Variants in SLCO1C1 observed in about 807,000 individuals in gnomAD.
SLCO1C1 encodes the protein OAT-RP-5.
A neutral mutation model predicts 76.4 loss-of-function variants in SLCO1C1; 70 were observed. That is an observed-to-expected ratio of 0.92 (90% CI 0.76 to 1.12). The LOEUF (loss-of-function observed/expected upper bound fraction) is 1.12, where lower values mean the gene tolerates loss of function less well. Ranked by LOEUF, SLCO1C1 falls within the 50% of genes most tolerant of loss-of-function variation. The probability of loss-of-function intolerance (pLI) is 0.00; values close to 1 mark genes in which losing one functional copy is unlikely to be tolerated. For synonymous variants in SLCO1C1, 306 were observed against 286.1 expected (o/e 1.07, Z -0.70); for missense variants, 912 against 823.8 (o/e 1.11, Z -1.31).
chr12:20,744,386 CAA>C (rs1948948719), intron 13 of SLCO1C1, among the ~76,000 whole-genome samples: 1 of 151,842 alleles, frequency 6.6e-6, no homozygotes, highest in Non-Finnish European at 1.5e-5. Context: ...GTATCATAAG[CAA>C]AGTCAAATGG....
intron 13 of SLCO1C1, among the ~76,000 whole-genome samples, chr12:20,745,689 C>T (rs1949013652): frequency 6.6e-6 from 1 of 151,650 alleles, no homozygotes; most frequent in Non-Finnish European, 1.5e-5. Context: ...GCCGGGTGTG[C>T]TGGTGTGTGC....
In SLCO1C1 at chr12:20,737,148, A is replaced by G. The variant is rs1378235476; in HGVS notation, c.1424A>G (p.Asp475Gly). ...TATCATGAACGAGCTCTCTTTTCAGATTGCAACTCAAGATGCAAATGTTCA... is the reference window on the plus strand; with the variant it reads ...TATCATGAACGAGCTCTCTTTTCAGGTTGCAACTCAAGATGCAAATGTTCA... ...VSYHERALFS[D>G]CNSRCKCSET... The change falls in exon 11 of 15, where the codon GAT becomes GGT. Residue 475 changes from aspartate to glycine, a missense_variant. Asp to Gly is a moderately conservative substitution (Grantham distance 94). Coordinates refer to ENST00000266509, the MANE Select transcript of SLCO1C1 (RefSeq NM_017435.5). 1 of 1,554,650 alleles carries G rather than the reference A, an allele frequency of 6.4e-7. No homozygotes were observed. Among genetic ancestry groups the G allele is most frequent in the Non-Finnish European group, 8.6e-7 (1 of 1,158,086 alleles).
chr12:20,699,922 C>CCA, intron 2 of SLCO1C1: 1 of 390,630 alleles, frequency 2.6e-6, no homozygotes, highest in East Asian at 4.1e-5. Flanking sequence ...AAATGCCCCC[C>CCA]CAAACAGAAA....
chr12:20,699,815 AGATCTTAGATGCAATTTACT>A, intron 2 of SLCO1C1, 110 bp downstream of exon 2: 1 of 1,193,244 alleles, frequency 8.4e-7, no homozygotes, highest in Non-Finnish European at 1.1e-6. Flanking sequence ...AAAAAAAAAA[AGATCTTAGATGCAATTTACT>A]AAAACCACAC....
rs143690853 is a variant in SLCO1C1 at position 20,718,251 on chromosome 12, T to C, written c.775+1021T>C. ...ATGCAGCAATAACCTAGTATAAGCATTTTACCCAGTATAATGCAGTGGCAG... is the reference window on the plus strand; with the variant it reads ...ATGCAGCAATAACCTAGTATAAGCACTTTACCCAGTATAATGCAGTGGCAG... On this transcript the variant is annotated intron_variant, in intron 7 of 14. Coordinates refer to ENST00000266509, the MANE Select transcript of SLCO1C1 (RefSeq NM_017435.5). Among the ~76,000 whole-genome samples the C allele has an allele frequency of 4.0e-3, 607 of 152,216 alleles. 4 individuals carry two copies. The highest frequency in any genetic ancestry group is 0.014 in the African/African-American group (565 of 41,548).
rs771830277 is a variant in SLCO1C1, at chr12:20,711,413, C to T, written c.432C>T (p.Ser144=). 3.7e-6 allele frequency: 6 copies of T among 1,613,440 alleles called. No homozygotes were observed. The highest frequency in any genetic ancestry group is 5.1e-6 in the Non-Finnish European group (6 of 1,179,658). Residue 144 remains serine (S), a synonymous_variant, in exon 5 of 15, where the codon TCC becomes TCT. Transcript: ENST00000266509. ...ACAAATATGAGAGATATTCTCCTTCCTCCAATTCCACTCTCAGCATCTCTC... is the reference window on the plus strand; with the variant it reads ...ACAAATATGAGAGATATTCTCCTTCTTCCAATTCCACTCTCAGCATCTCTC... ...EQYKYERYSP[S]SNSTLSISPC...
chr12:20,699,508 G>A, intron 1 of SLCO1C1, 44 bp from the exon 2 acceptor site: 2 of 1,373,406 alleles, frequency 1.5e-6, no homozygotes, highest in Non-Finnish European at 1.9e-6. Context: ...TTAATAAATT[G>A]CGTAGTATTT....
At chr12:20,699,503 A>C in intron 1 of SLCO1C1, 49 bp from the exon 2 acceptor site, 1 of 1,404,934 alleles carries the variant, frequency 7.1e-7, no homozygotes, top group Non-Finnish European at 9.4e-7. Flanking sequence ...AAAATTTAAT[A>C]AATTGCGTAG....
At chr12:20,749,772 G>T (rs1949210918) in intron 13 of SLCO1C1, among the ~76,000 whole-genome samples, 1 of 152,174 alleles carries the variant, frequency 6.6e-6, no homozygotes, top group African/African-American at 2.4e-5. Context: ...AGCAGAGAAG[G>T]CAATTCAACA....
chr12:20,747,195 C>T (rs1032472844), intron 13 of SLCO1C1, among the ~76,000 whole-genome samples: 11 of 152,074 alleles, frequency 7.2e-5, no homozygotes, highest in Admixed American at 1.3e-4. Flanking sequence ...GAGGCTGAGG[C>T]GGGTGGATAT....
chr12:20,717,648 CTTTTTTTTTTTTTTTTTTTTTTT>C lies in SLCO1C1; in HGVS notation c.775+440_775+462del, dbSNP rs534946900. Among the ~76,000 whole-genome samples the C allele has an allele frequency of 7.2e-3, 303 of 42,346 alleles. 2 individuals are homozygous for C. The highest frequency in any genetic ancestry group is 0.021 in the South Asian group (17 of 810). The allele number at this position is 42,346 out of a possible 152,430, so 27.8% of individuals were successfully genotyped here. On this transcript the variant is annotated intron_variant, in intron 7 of 14. Transcript: ENST00000266509. ...GTCTACTGGCAACCAAACAGCCCTTCTTTTTTTTTTTTTTTTTTTTTTTTTTTTTTTTTTTTTTTTTTTTACTC... is the reference window on the plus strand; with the variant it reads ...GTCTACTGGCAACCAAACAGCCCTTCTTTTTTTTTTTTTTTTTTTTTACTC...
In SLCO1C1 at chr12:20,737,254, C is replaced by A. The variant is rs1269241735; in HGVS notation, c.1530C>A (p.Asn510Lys). Residue 510 changes from asparagine to lysine, a missense_variant, in exon 11 of 15, where the codon AAC becomes AAA. Transcript: ENST00000266509. ...SACLAGCQTS[N>K]RSGKNIIFYN... ...GTCTTGCTGGTTGTCAAACCTCCAACAGGAGTGGAAAAAATATTGTAAGAA... is the reference window on the plus strand; with the variant it reads ...GTCTTGCTGGTTGTCAAACCTCCAAAAGGAGTGGAAAAAATATTGTAAGAA... The A allele has an allele frequency of 6.4e-7, 1 of 1,561,326 alleles. No individual in the cohort carries two copies. Among genetic ancestry groups the A allele is most frequent in the Non-Finnish European group, 8.6e-7 (1 of 1,161,650 alleles).
intron 13 of SLCO1C1, among the ~76,000 whole-genome samples, chr12:20,748,908 G>A (rs10841604): frequency 0.46 from 69,578 of 151,894 alleles, 17,808 homozygotes; most frequent in South Asian, 0.63. Flanking sequence ...CCTTGGTGAA[G>A]GTGGTGTCTA....
At chr12:20,733,507 G>A (rs538936456) in intron 10 of SLCO1C1, among the ~76,000 whole-genome samples, 3 of 152,260 alleles carry the variant, frequency 2.0e-5, no homozygotes, top group Admixed American at 2.0e-4. Context: ...CTTTTGTAAG[G>A]TTTAAGCAAG....
Position 20,706,900 on chromosome 12 carries a change from G to A in SLCO1C1, c.404+819G>A, listed in dbSNP as rs181690990. ...TGACTACCAAAAGGTTTTGGAGTAAGAGAATATTTTAGAAGATTATATTTC... is the reference window on the plus strand; with the variant it reads ...TGACTACCAAAAGGTTTTGGAGTAAAAGAATATTTTAGAAGATTATATTTC... On this transcript the variant is annotated intron_variant, in intron 4 of 14. Coordinates refer to ENST00000266509, the MANE Select transcript of SLCO1C1 (RefSeq NM_017435.5). Among the ~76,000 whole-genome samples, 4 of 152,276 alleles carry A rather than the reference G, an allele frequency of 2.6e-5. No homozygotes were observed. The East Asian group carries it at 5.8e-4, about 22-fold the overall frequency.
Position 20,701,249 on chromosome 12 carries a change from C to G in SLCO1C1, c.130-69C>G, listed in dbSNP as rs1022108651. ...TGTTGTTTGTTTTGTATTTGTTTGT[C>G]TATTTACTTAGTTTCCAATTGTGTG... is the stretch of plus-strand genomic sequence containing the variant. On this transcript the variant is annotated intron_variant, in intron 2 of 14. Coordinates refer to ENST00000266509, the MANE Select transcript of SLCO1C1 (RefSeq NM_017435.5). 5 of 1,339,846 alleles carry G rather than the reference C, an allele frequency of 3.7e-6. No individual in the cohort carries two copies. In the African/African-American group the frequency reaches 7.4e-5, roughly 20 times the overall value. The allele number at this position is 1,339,846 out of a possible 1,614,324, so 83.0% of individuals were successfully genotyped here. A position where few individuals can be genotyped will look rare whatever the true frequency, so the allele number is the denominator to read the frequency against.
intron 14 of SLCO1C1, among the ~76,000 whole-genome samples, chr12:20,751,618 T>C (rs979146336): frequency 6.6e-6 from 1 of 152,112 alleles, no homozygotes; most frequent in African/African-American, 2.4e-5. Flanking sequence ...TCTGTGAGTA[T>C]AATTTAGTAT....
At chr12:20,728,172 TGTTGA>T in intron 9 of SLCO1C1, among the ~76,000 whole-genome samples, 1 of 152,276 alleles carries the variant, frequency 6.6e-6, no homozygotes, top group East Asian at 1.9e-4. Flanking sequence ...CTTTAATCCA[TGTTGA>T]GTTAATTTTT....
rs148119346 is a variant in SLCO1C1, at chr12:20,718,427, C to G, written c.775+1197C>G. Among the ~76,000 whole-genome samples the G allele has an allele frequency of 6.0e-3, 917 of 152,174 alleles. 12 individuals are homozygous for G. The highest frequency in any genetic ancestry group is 0.021 in the African/African-American group (891 of 41,516). On this transcript the variant is annotated intron_variant, in intron 7 of 14. Coordinates refer to ENST00000266509, the MANE Select transcript of SLCO1C1 (RefSeq NM_017435.5). ...AACCTGTCAATACTTACTTTTTAGT[C>G]AAATGAGAAATGATTTCAAAAACAA...
Sources: gnomAD v4.1 joint callset for allele counts (sites outside exome capture counted in the v4.1 genomes callset) on GRCh38, gnomAD v4.1.1 for gene constraint, MANE v1.5 for transcripts, NCBI Gene and HGNC (gene_info 2026-07-23, HGNC 2026-07-21) for gene names.